The following C10orf143 variants were observed in gnomAD, a reference collection of about 807,000 sequenced individuals.
The protein encoded by C10orf143 is chromosome 10 open reading frame 143.
chr10:130,103,885 A>G (rs1353995289), intron 1 of C10orf143, among the ~76,000 whole-genome samples: 2 of 151,594 alleles, frequency 1.3e-5, no homozygotes, highest in Admixed American at 1.3e-4. Context: ...AAAAAATATT[A>G]TCGACTTGAT....
At chr10:130,053,939 T>G (rs1369260625) in intron 3 of C10orf143, among the ~76,000 whole-genome samples, 4 of 152,106 alleles carry the variant, frequency 2.6e-5, no homozygotes, top group Non-Finnish European at 1.5e-5. Flanking sequence ...TGAACCCAAA[T>G]GGAAAGGACG....
At chr10:130,038,706 C>T (rs1228399271) in intron 3 of C10orf143, among the ~76,000 whole-genome samples, 1 of 152,210 alleles carries the variant, frequency 6.6e-6, no homozygotes, top group Non-Finnish European at 1.5e-5. Context: ...CATCCTTGGC[C>T]TTAGCCTCCC....
At chr10:130,093,393 T>C (rs539793582) in intron 1 of C10orf143, among the ~76,000 whole-genome samples, 10 of 152,124 alleles carry the variant, frequency 6.6e-5, no homozygotes, top group Non-Finnish European at 1.5e-4. Context: ...TGTACCAGAA[T>C]CTCTGAGACA....
Position 130,107,657 on chromosome 10 carries a change from C to T in C10orf143, c.69+3047G>A, listed in dbSNP as rs1564973336. On this transcript the variant is annotated intron_variant, in intron 1 of 3. Transcript: ENST00000637128. ...GAGAGCTTTTCTCTCTCCCGCAACT[C>T]TGTTGGAGGGTCCACTCAGACTCTC... 3.8e-6 allele frequency: 5 copies of T among 1,317,628 alleles called. No homozygotes were observed. The Admixed American group carries it at 6.8e-5, about 18-fold the overall frequency. 81.6% of individuals were successfully genotyped at this position (1,317,628 alleles called of 1,614,324 possible).
intron 1 of C10orf143, among the ~76,000 whole-genome samples, chr10:130,087,561 G>C (rs774420647): frequency 2.0e-5 from 3 of 152,204 alleles, no homozygotes; most frequent in Non-Finnish European, 1.5e-5. Flanking sequence ...AGGAAGTCTT[G>C]CTGCCTGTCC....
intron 1 of C10orf143, among the ~76,000 whole-genome samples, chr10:130,102,391 G>C (rs1382705700): frequency 6.6e-6 from 1 of 152,030 alleles, no homozygotes; most frequent in Non-Finnish European, 1.5e-5. Flanking sequence ...TCCCACCTCA[G>C]CCTCTTGAGT....
chr10:130,091,427 A>C (rs1024170400), intron 1 of C10orf143, among the ~76,000 whole-genome samples: 4 of 152,240 alleles, frequency 2.6e-5, no homozygotes, highest in Non-Finnish European at 4.4e-5. Flanking sequence ...AACATCAAAG[A>C]CCAAAGGTAG....
intron 1 of C10orf143, among the ~76,000 whole-genome samples, chr10:130,095,383 A>G (rs1296673719): frequency 6.6e-6 from 1 of 152,238 alleles, no homozygotes; most frequent in East Asian, 1.9e-4. Context: ...TAATTTATAG[A>G]TTCAAAGCTA....
chr10:130,041,006 G>C (rs533423764), intron 3 of C10orf143, among the ~76,000 whole-genome samples: 2 of 152,088 alleles, frequency 1.3e-5, no homozygotes, highest in Non-Finnish European at 2.9e-5. Flanking sequence ...CCCCGCCACC[G>C]GCACTCCCAG....
At chr10:130,074,799 T>G (rs1278987065) in intron 3 of C10orf143, among the ~76,000 whole-genome samples, 1 of 152,100 alleles carries the variant, frequency 6.6e-6, no homozygotes, top group Non-Finnish European at 1.5e-5. Context: ...CCATTTAGAA[T>G]CAGAATAATC....
intron 1 of C10orf143, among the ~76,000 whole-genome samples, chr10:130,090,094 A>T (rs998001245): frequency 5.9e-5 from 9 of 152,356 alleles, no homozygotes; most frequent in Non-Finnish European, 7.3e-5. Flanking sequence ...GGGGCTTCAA[A>T]CAACACCATT....
chr10:130,084,991 A>C (rs1278079439), intron 1 of C10orf143, among the ~76,000 whole-genome samples: 4 of 152,248 alleles, frequency 2.6e-5, no homozygotes, highest in Non-Finnish European at 5.9e-5. Context: ...GCACTGGATA[A>C]TCCACAGAAT....
Position 130,107,688 on chromosome 10 carries a change from T to C in C10orf143, c.69+3016A>G, listed in dbSNP as rs770016060. 5 of 1,281,966 alleles carry C rather than the reference T, an allele frequency of 3.9e-6. No homozygotes were observed. In the South Asian group the frequency reaches 5.9e-5, roughly 15 times the overall value. The allele number at this position is 1,281,966 out of a possible 1,614,324, so 79.4% of individuals were successfully genotyped here. A position where few individuals can be genotyped will look rare whatever the true frequency, so the allele number is the denominator to read the frequency against. ...GAGGGTCCACTCAGACTCTCACCTT[T>C]GCCTCCAGGGGGGGAAGGAAGAGGC... On this transcript the variant is annotated intron_variant, in intron 1 of 3. Transcript: ENST00000637128.
rs144495195 is a variant in C10orf143, at chr10:130,099,253, T to C, written c.69+11451A>G. ...ACTGAGTATAACAGATAGTATAATATAGCTCAACAGATTGTTTCCAAAATA... is the reference window on the plus strand; with the variant it reads ...ACTGAGTATAACAGATAGTATAATACAGCTCAACAGATTGTTTCCAAAATA... On this transcript the variant is annotated intron_variant, in intron 1 of 3. Coordinates refer to ENST00000637128, the MANE Select transcript of C10orf143 (RefSeq NM_001355042.2). Among the ~76,000 whole-genome samples, 45 of 152,254 alleles carry C rather than the reference T, an allele frequency of 3.0e-4. 2 individuals are homozygous for C. Among genetic ancestry groups the C allele is most frequent in the Non-Finnish European group, 1.6e-4 (11 of 68,028 alleles).
At chr10:130,042,212 G>A (rs1035644378) in intron 3 of C10orf143, among the ~76,000 whole-genome samples, 1 of 152,188 alleles carries the variant, frequency 6.6e-6, no homozygotes, top group South Asian at 2.1e-4. Flanking sequence ...AGACTGTTTA[G>A]GCTAAATCAG....
At chr10:130,096,430 C>A (rs1015287072) in intron 1 of C10orf143, among the ~76,000 whole-genome samples, 1 of 151,730 alleles carries the variant, frequency 6.6e-6, no homozygotes, top group African/African-American at 2.4e-5. Flanking sequence ...ACCCAGCAAT[C>A]CCATTACTAG....
intron 1 of C10orf143, among the ~76,000 whole-genome samples, chr10:130,096,222 C>A (rs1390796365): frequency 6.6e-6 from 1 of 152,078 alleles, no homozygotes; most frequent in Non-Finnish European, 1.5e-5. Flanking sequence ...TAGAGAGATG[C>A]AAACCAAACC....
chr10:130,072,819 G>A (rs1861054640), intron 3 of C10orf143, among the ~76,000 whole-genome samples: 1 of 152,166 alleles, frequency 6.6e-6, no homozygotes, highest in African/African-American at 2.4e-5. Context: ...CTAAAAATAT[G>A]TACACACCTT....
downstream of C10orf143, among the ~76,000 whole-genome samples, chr10:130,062,669 C>T (rs75799426): frequency 4.1e-3 from 618 of 152,288 alleles, 4 homozygotes; most frequent in African/African-American, 0.014. Flanking sequence ...TTCCTTGCTC[C>T]TCAGCTTGCA....
Sources: gnomAD v4.1 joint callset for allele counts (sites outside exome capture counted in the v4.1 genomes callset) on GRCh38, gnomAD v4.1.1 for gene constraint, MANE v1.5 for transcripts, NCBI Gene and HGNC (gene_info 2026-07-23, HGNC 2026-07-21) for gene names.